CEP68: variants seen among roughly 807,000 people sequenced by gnomAD.
CEP68 encodes the protein centrosomal protein 68, also known as centrosomal protein of 68 kDa.
In CEP68, 26 loss-of-function variants were observed where a neutral mutation model predicts 55.3. The observed-to-expected ratio is 0.47, with a 90% CI of 0.34 to 0.65. The LOEUF (loss-of-function observed/expected upper bound fraction) is 0.65, where lower values mean the gene tolerates loss of function less well. CEP68 is among the 30% of genes least tolerant of loss of function. The pLI is 0.01. For missense variants in CEP68, 957 were observed against 946.7 expected (o/e 1.01, Z -0.14); for synonymous variants, 402 against 383.2 (o/e 1.05, Z -0.57).
chr2:65,060,314 G>T (rs1435888058), intron 1 of CEP68, among the ~76,000 whole-genome samples: 3 of 152,212 alleles, frequency 2.0e-5, no homozygotes, highest in East Asian at 1.9e-4. Context: ...TGAGGCCAGA[G>T]AATTCTCCCA....
chr2:65,058,919 G>T (rs1675782704), intron 1 of CEP68, among the ~76,000 whole-genome samples: 1 of 152,148 alleles, frequency 6.6e-6, no homozygotes, highest in South Asian at 2.1e-4. Flanking sequence ...ACCAACTAAA[G>T]ATTGATTTGG....
chr2:65,073,126 T>A, intron 3 of CEP68, 146 bp downstream of exon 3: 1 of 907,610 alleles, frequency 1.1e-6, no homozygotes, highest in Non-Finnish European at 1.8e-6. Context: ...TATTCAGTCC[T>A]CACAACTTTT....
At position 65,069,692 on chromosome 2, in the gene CEP68, C is replaced by T. The variant is rs779929236; in HGVS notation, c.248C>T (p.Ala83Val). ...GGPSRAHQPQ[A>V]SDANREPVAE... is the part of the protein sequence containing the mutation. ...CCCTCTAGAGCCCACCAGCCACAGG[C>T]CAGTGATGCCAACAGAGAGCCCGTA... Residue 83 changes from alanine to valine, a missense_variant, in exon 2 of 7, where the codon GCC (alanine) becomes GTC (valine). Physicochemically the swap from Ala to Val is moderately conservative, Grantham distance 64 (BLOSUM62 0). Transcript: ENST00000377990. The T allele has an allele frequency of 6.2e-7, 1 of 1,614,092 alleles. No individual in the cohort carries two copies. Among genetic ancestry groups the T allele is most frequent in the Non-Finnish European group, 8.5e-7 (1 of 1,180,028 alleles).
intron 3 of CEP68, 113 bp downstream of exon 3, chr2:65,073,093 A>T: frequency 8.9e-7 from 1 of 1,126,760 alleles, no homozygotes; most frequent in Non-Finnish European, 1.3e-6. Flanking sequence ...TTTATGTGCC[A>T]GGCATTGTGC....
At chr2:65,062,764 G>T (rs989049165) in intron 1 of CEP68, among the ~76,000 whole-genome samples, 1 of 152,064 alleles carries the variant, frequency 6.6e-6, no homozygotes, top group Admixed American at 6.6e-5. Flanking sequence ...TTGAACCCGG[G>T]AGGCAGAGGT....
intron 2 of CEP68, among the ~76,000 whole-genome samples, chr2:65,070,545 G>A (rs1402346431): frequency 3.9e-5 from 6 of 151,900 alleles, no homozygotes. Context: ...CCCCTTGTGG[G>A]GCTGCACCCT....
chr2:65,064,292 T>C (rs1676048994), intron 1 of CEP68, among the ~76,000 whole-genome samples: 1 of 152,102 alleles, frequency 6.6e-6, no homozygotes, highest in Non-Finnish European at 1.5e-5. Context: ...CCAGACAAGA[T>C]GAATAAAAAG....
At chr2:65,065,173 A>G (rs138469966) in intron 1 of CEP68, among the ~76,000 whole-genome samples, 9 of 152,304 alleles carry the variant, frequency 5.9e-5, no homozygotes, top group Non-Finnish European at 1.0e-4. Flanking sequence ...GTGTAGAGTG[A>G]TACCACTCAG....
rs1351463640 is a variant in CEP68 at position 65,086,114 on chromosome 2, CAA to C, written c.*2482_*2483del. 6.6e-6 allele frequency: 1 copy of C among 152,078 alleles called. No individual in the cohort carries two copies. The highest frequency in any genetic ancestry group is 1.5e-5 in the Non-Finnish European group (1 of 68,018). 9.4% of individuals were successfully genotyped at this position (152,078 alleles called of 1,614,324 possible). On this transcript the variant is annotated 3_prime_UTR_variant, in exon 7 of 7. Transcript: ENST00000377990. The stretch of plus-strand genomic sequence containing the variant: ...TTGAAGCTTAGGTGGGAATGGAACA[CAA>C]AGAAGGTTTGAGGTAAGATATGCTG...
chr2:65,082,493 T>C, intron 5 of CEP68, 43 bp from the exon 6 acceptor site: 1 of 1,474,672 alleles, frequency 6.8e-7, no homozygotes, highest in Non-Finnish European at 9.0e-7. Context: ...AACACTTGCA[T>C]GGGTTTTATT....
intron 4 of CEP68, 48 bp from the exon 5 acceptor site, chr2:65,077,820 A>G: frequency 7.0e-7 from 1 of 1,423,824 alleles, no homozygotes; most frequent in Non-Finnish European, 9.9e-7. Flanking sequence ...CGTTTACAAA[A>G]CAATAGTAAC....
At chr2:65,060,229 A>AT (rs1430806287) in intron 1 of CEP68, among the ~76,000 whole-genome samples, 2 of 126,170 alleles carry the variant, frequency 1.6e-5, no homozygotes, top group Admixed American at 7.7e-5. Context: ...CAAAGAGGGA[A>AT]ATTTTTTTTT....
At chr2:65,081,566 T>C (rs1668807522) in intron 5 of CEP68, among the ~76,000 whole-genome samples, 1 of 152,122 alleles carries the variant, frequency 6.6e-6, no homozygotes, top group Non-Finnish European at 1.5e-5. Context: ...AAAATAAATT[T>C]TTGAAAAAAG....
At chr2:65,082,491 C>T (rs1668875849) in intron 5 of CEP68, 45 bp from the exon 6 acceptor site, 8 of 1,471,088 alleles carry the variant, frequency 5.4e-6, no homozygotes, top group East Asian at 2.5e-5. Context: ...ACAACACTTG[C>T]ATGGGTTTTA....
rs757768819 is a variant in CEP68 at position 65,086,070 on chromosome 2, C to T, written c.*2436C>T. On this transcript the variant is annotated 3_prime_UTR_variant, in exon 7 of 7. Transcript: ENST00000377990. ...ATAGGTAAGCTCAGCAAATGGAAGA[C>T]GACGTCAACACGGCTATTTTGAAGC... is the stretch of plus-strand genomic sequence containing the variant. The T allele has an allele frequency of 6.8e-5, 5 of 74,036 alleles. No homozygotes were observed. The highest frequency in any genetic ancestry group is 3.3e-4 in the Admixed American group (2 of 6,080). The allele number at this position is 74,036 out of a possible 1,614,324, so 4.6% of individuals were successfully genotyped here. A position where few individuals can be genotyped will look rare whatever the true frequency, so the allele number is the denominator to read the frequency against.
At position 65,085,994 on chromosome 2, in the gene CEP68, T is replaced by C. The variant is rs1558572842; in HGVS notation, c.*2360T>C. 6.6e-6 allele frequency: 1 copy of C among 152,226 alleles called. No homozygotes were observed. The highest frequency in any genetic ancestry group is 1.5e-5 in the Non-Finnish European group (1 of 68,048). The allele number at this position is 152,226 out of a possible 1,614,324, so 9.4% of individuals were successfully genotyped here. A position where few individuals can be genotyped will look rare whatever the true frequency, so the allele number is the denominator to read the frequency against. The stretch of plus-strand genomic sequence containing the variant: ...GGAAGTTAAATCCACAGGGAAGTGA[T>C]GATACTCAAAGCTGGATCAGCAGTT... On this transcript the variant is annotated 3_prime_UTR_variant, in exon 7 of 7. Coordinates refer to ENST00000377990, the MANE Select transcript of CEP68 (RefSeq NM_015147.3).
At position 65,082,543 on chromosome 2, in the gene CEP68, G is replaced by GGAT; in HGVS notation, c.2114_2116dup (p.Asp705dup). The GGAT allele has an allele frequency of 6.4e-7, 1 of 1,551,522 alleles. No individual in the cohort carries two copies. The highest frequency in any genetic ancestry group is 8.7e-7 in the Non-Finnish European group (1 of 1,155,150). On this transcript the variant is annotated inframe_insertion, in exon 6 of 7. Coordinates refer to ENST00000377990, the MANE Select transcript of CEP68 (RefSeq NM_015147.3). ...TTTGAACCTCATTGTTAGTTTTAGA[G>GGAT]GATGTCCTTGGGAGGATCGCAAAGC...
rs1235821545 is a variant in CEP68, at chr2:65,086,571, A to T, written c.*2937A>T. The T allele has an allele frequency of 6.6e-6, 1 of 152,210 alleles. No homozygotes were observed. The highest frequency in any genetic ancestry group is 2.4e-5 in the African/African-American group (1 of 41,452). 9.4% of individuals were successfully genotyped at this position (152,210 alleles called of 1,614,324 possible). A position where few individuals can be genotyped will look rare whatever the true frequency, so the allele number is the denominator to read the frequency against. On this transcript the variant is annotated 3_prime_UTR_variant, in exon 7 of 7. Coordinates refer to ENST00000377990, the MANE Select transcript of CEP68 (RefSeq NM_015147.3). ...AAATATGCTCATCTTAAGTTCATGT[A>T]ATGTTTCCGCTAACTCACCAAGAAT...
At chr2:65,063,506 G>A (rs1453532225) in intron 1 of CEP68, among the ~76,000 whole-genome samples, 1 of 152,206 alleles carries the variant, frequency 6.6e-6, no homozygotes, top group Non-Finnish European at 1.5e-5. Flanking sequence ...GTTTAAAGCT[G>A]ATGACCTGGG....
Sources: gnomAD v4.1 joint callset for allele counts (sites outside exome capture counted in the v4.1 genomes callset) on GRCh38, gnomAD v4.1.1 for gene constraint, MANE v1.5 for transcripts, NCBI Gene and HGNC (gene_info 2026-07-23, HGNC 2026-07-21) for gene names.